Variants in SLC12A4 observed in about 807,000 individuals in gnomAD.
SLC12A4 encodes electroneutral potassium-chloride cotransporter 1.
In SLC12A4, 84 loss-of-function variants were observed where a neutral mutation model predicts 119.2. That is an observed-to-expected ratio of 0.70 (90% CI 0.59 to 0.85). SLC12A4 has a LOEUF of 0.85. Among genes scored for constraint, SLC12A4 ranks in the 40% least tolerant of loss-of-function variants. The probability of loss-of-function intolerance (pLI) is 0.00; values close to 1 mark genes in which losing one functional copy is unlikely to be tolerated. For synonymous variants in SLC12A4, 599 were observed against 604.6 expected (o/e 0.99, Z 0.14); for missense variants, 1,298 against 1,476.3 (o/e 0.88, Z 1.98).
At chr16:67,945,011 G>A in intron 23 of SLC12A4, 76 bp downstream of exon 23, 1 of 1,602,856 alleles carries the variant, frequency 6.2e-7, no homozygotes. Context: ...ACCCAGGGGT[G>A]CCCAGGAGAG....
Position 67,951,612 on chromosome 16 carries a change from A to T in SLC12A4, c.1132+211T>A. ...TGTCAGGGGCTGGTGGCTGGGGAAGACAGGCTGCTGCAGGCCTTGGACGCT... is the reference window on the plus strand; with the variant it reads ...TGTCAGGGGCTGGTGGCTGGGGAAGTCAGGCTGCTGCAGGCCTTGGACGCT... On this transcript the variant is annotated intron_variant, in intron 8 of 23. Transcript: ENST00000316341. This position sits in a 1 kb window ranked among gnomAD's most constrained non-coding sequence, Gnocchi z 5.2. The T allele has an allele frequency of 1.6e-6, 1 of 614,170 alleles. No homozygotes were observed. The highest frequency in any genetic ancestry group is 2.0e-5 in the South Asian group (1 of 50,590). 38.0% of individuals were successfully genotyped at this position (614,170 alleles called of 1,614,324 possible).
In SLC12A4 at chr16:67,950,083, A is replaced by G; in HGVS notation, c.1630-165T>C. The G allele has an allele frequency of 2.9e-6, 2 of 692,918 alleles. No homozygotes were observed. The highest frequency in any genetic ancestry group is 4.9e-6 in the Non-Finnish European group (2 of 408,550). The allele number at this position is 692,918 out of a possible 1,614,324, so 42.9% of individuals were successfully genotyped here. On this transcript the variant is annotated intron_variant, in intron 12 of 23. Coordinates refer to ENST00000316341, the MANE Select transcript of SLC12A4 (RefSeq NM_005072.5). This position sits in a 1 kb window ranked among gnomAD's most constrained non-coding sequence, Gnocchi z 4.3. The stretch of plus-strand genomic sequence containing the variant: ...CCAGTCTCCCTGATTCCACCTCACC[A>G]GGCCTCTCTCCTTTGGATGAGCCCT...
At chr16:67,957,627 G>T in intron 5 of SLC12A4, 115 bp downstream of exon 5, 1 of 1,163,574 alleles carries the variant, frequency 8.6e-7, no homozygotes, top group South Asian at 1.4e-5. Context: ...TCAGGGATTG[G>T]GAGCCCACTA....
intron 1 of SLC12A4, chr16:67,966,784 A>G: frequency 6.4e-7 from 1 of 1,551,446 alleles, no homozygotes; most frequent in African/African-American, 1.4e-5. Flanking sequence ...TCCTGTAGAC[A>G]GCCAAGGTCT....
Position 67,968,462 on chromosome 16 carries a change from C to T in SLC12A4, c.92G>A (p.Arg31His), listed in dbSNP as rs536788449. 256 of 1,579,954 alleles carry T rather than the reference C, an allele frequency of 1.6e-4. 1 individual carries two copies. The South Asian group carries it at 2.6e-3, about 16-fold the overall frequency. The change falls in exon 1 of 24, where the codon CGC becomes CAC. Residue 31 changes from arginine (R) to histidine (H), a missense_variant. Transcript: ENST00000316341. ...ACCGTCCGAGTCATCCAGCTCGGCG[C>T]GCTCCCCGTAGTCCACCCAACTGAG... The part of the protein sequence containing the change: ...EGLSWVDYGE[R>H]AELDDSDGHG...
chr16:67,964,719 GGGCCATGCACT>G (rs1034337218), intron 1 of SLC12A4, among the ~76,000 whole-genome samples: 4 of 152,150 alleles, frequency 2.6e-5, no homozygotes, highest in African/African-American at 9.7e-5. Context: ...TGGTGTGATT[GGGCCATGCACT>G]GGCCATGCCC....
intron 6 of SLC12A4, among the ~76,000 whole-genome samples, chr16:67,953,153 C>G (rs2030037842): frequency 6.6e-6 from 1 of 151,864 alleles, no homozygotes; most frequent in Non-Finnish European, 1.5e-5. Flanking sequence ...TCCCAGCACT[C>G]TGGGAGGCCG....
In SLC12A4 at chr16:67,945,151, G is replaced by A. The variant is rs766641667; in HGVS notation, c.3102C>T (p.His1034=). The A allele has an allele frequency of 1.7e-5, 27 of 1,598,098 alleles. 1 individual carries two copies. The highest frequency in any genetic ancestry group is 6.9e-5 in the Admixed American group (4 of 58,150). ...TGTTTAGGAGAACCAGGCGGGCGTCGTGGGAGCGCGTGACAATGACTTCAT... is the reference window on the plus strand; with the variant it reads ...TGTTTAGGAGAACCAGGCGGGCGTCATGGGAGCGCGTGACAATGACTTCAT... ...KLNEVIVTRS[H]DARLVLLNMP... Residue 1034 remains histidine (H), a synonymous_variant, in exon 23 of 24, where the codon CAC becomes CAT. Transcript: ENST00000316341.
chr16:67,962,101 C>T (rs1253004071), intron 2 of SLC12A4: 3 of 171,270 alleles, frequency 1.8e-5, no homozygotes, highest in South Asian at 1.6e-4. Context: ...CCTACCCTCC[C>T]CACAAAAAAG....
At chr16:67,954,339 G>T in intron 6 of SLC12A4, 1 of 409,896 alleles carries the variant, frequency 2.4e-6, no homozygotes, top group Non-Finnish European at 4.6e-6. Flanking sequence ...ACCAAGATCT[G>T]TCACTGAGCT....
rs376653679 is a variant in SLC12A4, at chr16:67,946,183, C to T, written c.2595G>A (p.Leu865=). Residue 865 remains leucine, a synonymous_variant, in exon 19 of 24, where the codon CTG becomes CTA. Transcript: ENST00000316341. ...CCCCCTGGTCTACCTTATGCTGGCG[C>T]AGCAGGAAGGGCAGAAGCATGAGCA... ...GGMLMLLPFL[L]RQHKVWRKCR... is the part of the protein sequence containing the mutation. 6.1e-5 allele frequency: 99 copies of T among 1,613,834 alleles called. No homozygotes were observed. The highest frequency in any genetic ancestry group is 7.7e-5 in the Non-Finnish European group (91 of 1,180,046).
intron 3 of SLC12A4, 52 bp from the exon 4 acceptor site, chr16:67,958,096 T>C (rs748248367): frequency 6.3e-7 from 1 of 1,584,604 alleles, no homozygotes; most frequent in Non-Finnish European, 8.6e-7. Context: ...GGATGCACCA[T>C]GGAGAGTCAG....
intron 13 of SLC12A4, among the ~76,000 whole-genome samples, chr16:67,948,962 C>G (rs1185798346): frequency 6.6e-6 from 1 of 152,092 alleles, no homozygotes; most frequent in Non-Finnish European, 1.5e-5. Context: ...GAAGAGGAGG[C>G]CTTTCATAAC....
intron 6 of SLC12A4, 50 bp from the exon 7 acceptor site, chr16:67,952,475 G>T (rs777553425): frequency 6.2e-7 from 1 of 1,603,830 alleles, no homozygotes; most frequent in South Asian, 1.1e-5. Flanking sequence ...TTTGGAAAGT[G>T]AAACTTGTCG....
At position 67,950,195 on chromosome 16, in the gene SLC12A4, A is replaced by G; in HGVS notation, c.1629+124T>C. The G allele has an allele frequency of 8.3e-7, 1 of 1,202,024 alleles. No individual in the cohort carries two copies. The allele number at this position is 1,202,024 out of a possible 1,614,324, so 74.5% of individuals were successfully genotyped here. Reference sequence around the variant, plus strand: ...GGCACTTCTCAGTAGCTCCTCATGGATGGCCGCCTGGCCCCGGGGGCCAAT... The same window carrying G: ...GGCACTTCTCAGTAGCTCCTCATGGGTGGCCGCCTGGCCCCGGGGGCCAAT... On this transcript the variant is annotated intron_variant, in intron 12 of 23. Transcript: ENST00000316341. The surrounding 1 kb of genome is among the most constrained non-coding windows in gnomAD (Gnocchi z 4.3).
intron 3 of SLC12A4, among the ~76,000 whole-genome samples, chr16:67,958,798 C>A (rs950726743): frequency 6.6e-6 from 1 of 152,052 alleles, no homozygotes; most frequent in African/African-American, 2.4e-5. Context: ...GAGAGTCGGC[C>A]CTGCCTCACG....
At position 67,954,703 on chromosome 16, in the gene SLC12A4, G is replaced by A. The variant is rs772152886; in HGVS notation, c.615C>T (p.Phe205=). Residue 205 remains phenylalanine, a synonymous_variant, in exon 6 of 24, where the codon TTC becomes TTT. Transcript: ENST00000316341. Reference sequence around the variant, plus strand: ...CTGCTGCGAATGTTGTTCCCAGGTAGAAGCACAGGCCCACAGCACCTCCAA... The same window carrying A: ...CTGCTGCGAATGTTGTTCCCAGGTAAAAGCACAGGCCCACAGCACCTCCAA... ...PEFGGAVGLC[F]YLGTTFAAAM... The A allele has an allele frequency of 1.9e-6, 3 of 1,614,088 alleles. No individual in the cohort carries two copies. The highest frequency in any genetic ancestry group is 2.5e-6 in the Non-Finnish European group (3 of 1,180,038).
At position 67,946,640 on chromosome 16, in the gene SLC12A4, G is replaced by A; in HGVS notation, c.2242-7C>T. The A allele has an allele frequency of 6.2e-7, 1 of 1,607,074 alleles. No homozygotes were observed. The highest frequency in any genetic ancestry group is 8.5e-7 in the Non-Finnish European group (1 of 1,175,318). The stretch of plus-strand genomic sequence containing the variant: ...CCATCATGTTCTTGATGGTCTGTGG[G>A]GAACACACCCAGGGCCAATGGGAGG... On this transcript the variant is annotated splice_polypyrimidine_tract_variant and splice_region_variant and intron_variant, in intron 17 of 23. Transcript: ENST00000316341.
chr16:67,952,024 C>T lies in SLC12A4; in HGVS notation c.931G>A (p.Gly311Ser). 6.2e-7 allele frequency: 1 copy of T among 1,613,882 alleles called. No individual in the cohort carries two copies. Among genetic ancestry groups the T allele is most frequent in the Non-Finnish European group, 8.5e-7 (1 of 1,179,960 alleles). Residue 311 changes from glycine to serine, a missense_variant, in exon 8 of 24, where the codon GGC (glycine) becomes AGC (serine). By Grantham distance (56) the Gly-to-Ser change is moderately conservative. Coordinates refer to ENST00000316341, the MANE Select transcript of SLC12A4 (RefSeq NM_005072.5). ...DPPVFPVCML[G>S]NRTLSRDQFD... ...TGGTCCCGGGACAGGGTCCTGTTGC[C>T]CAGCATGCATACCCTGTGAGGGACA...
Sources: gnomAD v4.1 joint callset for allele counts (sites outside exome capture counted in the v4.1 genomes callset) on GRCh38, gnomAD v4.1.1 for gene constraint, Gnocchi (gnomAD v3.1) non-coding constraint, MANE v1.5 for transcripts, NCBI Gene and HGNC (gene_info 2026-07-23, HGNC 2026-07-21) for gene names.